LRMDA: variants seen among roughly 807,000 people sequenced by gnomAD.
LRMDA encodes leucine-rich melanocyte differentiation-associated protein.
In LRMDA, 18 loss-of-function variants were observed where a neutral mutation model predicts 29.8. The ratio of observed to expected loss-of-function variants is 0.60; its 90% confidence interval spans 0.42 to 0.90. The LOEUF (loss-of-function observed/expected upper bound fraction) is 0.90, where lower values mean the gene tolerates loss of function less well. Ranked by LOEUF, LRMDA falls within the 40% of genes least tolerant of loss-of-function variation. The pLI, the probability that LRMDA is intolerant of heterozygous loss-of-function variation, is 0.00. For synonymous variants in LRMDA, 125 were observed against 109.4 expected (o/e 1.14, Z -0.89); for missense variants, 273 against 273.9 (o/e 1.00, Z 0.02).
intron 2 of LRMDA, among the ~76,000 whole-genome samples, chr10:75,561,741 C>T (rs1233601447): frequency 2.0e-5 from 3 of 151,950 alleles, no homozygotes; most frequent in African/African-American, 4.8e-5. Context: ...TCTTTGTTCT[C>T]GTTGGTTTCA....
chr10:75,597,475 C>A (rs1840805626), intron 2 of LRMDA, among the ~76,000 whole-genome samples: 1 of 152,146 alleles, frequency 6.6e-6, no homozygotes, highest in Admixed American at 6.5e-5. Context: ...GACTGGGAGG[C>A]ACAGCCCCTG....
intron 5 of LRMDA, among the ~76,000 whole-genome samples, chr10:76,271,810 C>G (rs1179736953): frequency 6.6e-6 from 1 of 152,198 alleles, no homozygotes; most frequent in Non-Finnish European, 1.5e-5. Flanking sequence ...ATTTGTAGTT[C>G]CAAAAATCTG....
chr10:75,992,720 G>A (rs1457887108), intron 2 of LRMDA, among the ~76,000 whole-genome samples: 1 of 152,122 alleles, frequency 6.6e-6, no homozygotes, highest in Non-Finnish European at 1.5e-5. Flanking sequence ...GGAGCTCTGG[G>A]CTCCTCCCCA....
chr10:76,011,286 C>A (rs1847773294), intron 2 of LRMDA, among the ~76,000 whole-genome samples: 1 of 152,198 alleles, frequency 6.6e-6, no homozygotes. Flanking sequence ...CCCCAACAGC[C>A]AGTCAGGAAA....
At chr10:75,652,248 C>T (rs929692285) in intron 2 of LRMDA, among the ~76,000 whole-genome samples, 3 of 152,338 alleles carry the variant, frequency 2.0e-5, no homozygotes, top group South Asian at 2.1e-4. Flanking sequence ...AACCTCCTGA[C>T]GTTGTGTAAC....
chr10:76,218,768 T>G (rs1309872634), intron 5 of LRMDA, among the ~76,000 whole-genome samples: 1 of 146,494 alleles, frequency 6.8e-6, no homozygotes, highest in African/African-American at 2.4e-5. Context: ...CAGGTGAGAA[T>G]AGCTGTGAGT....
At chr10:76,437,866 A>G (rs1842260957) in intron 6 of LRMDA, among the ~76,000 whole-genome samples, 1 of 152,224 alleles carries the variant, frequency 6.6e-6, no homozygotes, top group African/African-American at 2.4e-5. Context: ...TCCTTCGCCA[A>G]GTGGCTTTAC....
At chr10:75,884,267 GT>G (rs1269929823) in intron 2 of LRMDA, among the ~76,000 whole-genome samples, 116 of 150,490 alleles carry the variant, frequency 7.7e-4, no homozygotes, top group African/African-American at 2.7e-3. Context: ...GTGTGTGTGT[GT>G]GTGTGTGTGT....
chr10:75,718,099 T>G (rs949491892), intron 2 of LRMDA, among the ~76,000 whole-genome samples: 1 of 152,234 alleles, frequency 6.6e-6, no homozygotes, highest in African/African-American at 2.4e-5. Flanking sequence ...TGCTCAGACA[T>G]GACCCTTCAA....
intron 2 of LRMDA, among the ~76,000 whole-genome samples, chr10:75,479,416 A>C (rs1007023357): frequency 1.3e-5 from 2 of 151,764 alleles, no homozygotes; most frequent in African/African-American, 4.8e-5. Flanking sequence ...CTGAGGCAGG[A>C]TAATGGCATG....
chr10:76,171,706 G>GTGTGAGTGTA lies in LRMDA; in HGVS notation c.516+112924_516+112925insGTGAGTGTAT, dbSNP rs1589362561. Among the ~76,000 whole-genome samples the GTGTGAGTGTA allele has an allele frequency of 3.9e-5, 6 of 152,168 alleles. No individual in the cohort carries two copies. The East Asian group carries it at 1.2e-3, about 29-fold the overall frequency. On this transcript the variant is annotated intron_variant, in intron 5 of 6. Transcript: ENST00000611255. ...CTTCTCTTTAGGGCATAGCACCAAC[G>GTGTGAGTGTA]TCTTCTTGTGAGTGTATCCTAAAAA...
At chr10:75,670,834 G>A (rs1400258283) in intron 2 of LRMDA, among the ~76,000 whole-genome samples, 5 of 152,130 alleles carry the variant, frequency 3.3e-5, no homozygotes, top group Admixed American at 6.5e-5. Context: ...TGGAGTGCCC[G>A]CTCCCTTACC....
intron 6 of LRMDA, among the ~76,000 whole-genome samples, chr10:76,477,725 C>G (rs1399283428): frequency 6.6e-6 from 1 of 152,030 alleles, no homozygotes; most frequent in Non-Finnish European, 1.5e-5. Flanking sequence ...TGGAACAGAA[C>G]AGAGCCCTCA....
At chr10:76,386,742 T>C (rs1265179492) in intron 6 of LRMDA, among the ~76,000 whole-genome samples, 1 of 152,180 alleles carries the variant, frequency 6.6e-6, no homozygotes, top group East Asian at 1.9e-4. Flanking sequence ...AAAATGTGTA[T>C]TTTTATATAT....
At chr10:75,799,680 TTGTGTGTGTGTGTGTG>T (rs57575125) in intron 2 of LRMDA, among the ~76,000 whole-genome samples, 40 of 136,216 alleles carry the variant, frequency 2.9e-4, no homozygotes, top group African/African-American at 5.6e-4. Flanking sequence ...ATTCCTAGCT[TTGTGTGTGTGTGTGTG>T]TGTGTGTGTG....
chr10:76,237,653 A>G (rs1852177076), intron 5 of LRMDA, among the ~76,000 whole-genome samples: 1 of 152,156 alleles, frequency 6.6e-6, no homozygotes, highest in Non-Finnish European at 1.5e-5. Context: ...CCCTGAGATC[A>G]GTTGTTGGCA....
chr10:75,479,383 T>C (rs1844832542), intron 2 of LRMDA, among the ~76,000 whole-genome samples: 1 of 151,894 alleles, frequency 6.6e-6, no homozygotes, highest in Non-Finnish European at 1.5e-5. Context: ...CACAGGCGCC[T>C]GTAGTCCCAG....
chr10:76,078,664 T>C (rs780087828), intron 5 of LRMDA, among the ~76,000 whole-genome samples: 31 of 151,804 alleles, frequency 2.0e-4, no homozygotes, highest in Non-Finnish European at 4.1e-4. Context: ...TGAAACCCCG[T>C]CTCTACTAAA....
At chr10:75,884,960 C>T (rs192459904) in intron 2 of LRMDA, among the ~76,000 whole-genome samples, 2 of 148,874 alleles carry the variant, frequency 1.3e-5, no homozygotes, top group East Asian at 2.0e-4. Context: ...CCAGGAGGCC[C>T]GGGGAGGACA....
Sources: allele counts gnomAD v4.1 joint callset (sites outside exome capture counted in the v4.1 genomes callset), GRCh38; gene constraint gnomAD v4.1.1; transcripts MANE v1.5; gene names NCBI Gene and HGNC (gene_info 2026-07-23, HGNC 2026-07-21).